Variants in MPP7 observed in about 807,000 individuals in gnomAD.
MPP7 encodes MAGUK p55 subfamily member 7.
A neutral mutation model predicts 76.5 loss-of-function variants in MPP7; 60 were observed. The observed-to-expected ratio is 0.78, with a 90% CI of 0.64 to 0.97. MPP7 has a LOEUF of 0.97. Among genes scored for constraint, MPP7 ranks in the 50% least tolerant of loss-of-function variants. The pLI is 0.00. For synonymous variants in MPP7, 237 were observed against 244.5 expected (o/e 0.97, Z 0.29); for missense variants, 641 against 694.0 (o/e 0.92, Z 0.86).
intron 1 of MPP7, among the ~76,000 whole-genome samples, chr10:28,332,277 G>GTGTGTT (rs1407346870): frequency 6.6e-6 from 1 of 151,614 alleles, no homozygotes; most frequent in African/African-American, 2.4e-5. Context: ...GTGTGTGTGT[G>GTGTGTT]TTTAATAAAT....
chr10:28,284,857 T>C (rs768138837), intron 1 of MPP7, among the ~76,000 whole-genome samples: 4 of 152,348 alleles, frequency 2.6e-5, no homozygotes, highest in Non-Finnish European at 5.9e-5. Flanking sequence ...ATGCAATGAA[T>C]ACATCATTCT....
intron 3 of MPP7, among the ~76,000 whole-genome samples, chr10:28,198,030 G>A (rs1433502603): frequency 1.3e-5 from 2 of 152,126 alleles, no homozygotes; most frequent in Non-Finnish European, 2.9e-5. Flanking sequence ...TCAATCATAT[G>A]AGGAAAATTA....
In MPP7 at chr10:28,119,661, G is replaced by A; in HGVS notation, c.942C>T (p.Asn314=). The A allele has an allele frequency of 6.2e-7, 1 of 1,613,346 alleles. No individual in the cohort carries two copies. Among genetic ancestry groups the A allele is most frequent in the South Asian group, 1.1e-5 (1 of 91,016 alleles). The change falls in exon 11 of 17, where the codon AAC becomes AAT. Residue 314 remains asparagine (N), a synonymous_variant. Transcript: ENST00000683449. ...EILVQPLKVS[N]RKSSGFRKSF... is the part of the protein sequence containing the mutation. ...TATTAACAAACTTACATGATTTCCT[G>A]TTGGAAACTTTCAGGGGCTGAACCA...
At chr10:28,055,984 A>G (rs909797999) in intron 16 of MPP7, among the ~76,000 whole-genome samples, 2 of 152,218 alleles carry the variant, frequency 1.3e-5, no homozygotes, top group Non-Finnish European at 2.9e-5. Context: ...TGTATCTATT[A>G]TACTCTTCCC....
intron 13 of MPP7, among the ~76,000 whole-genome samples, chr10:28,067,876 A>AC: frequency 6.6e-6 from 1 of 152,250 alleles, no homozygotes; most frequent in Non-Finnish European, 1.5e-5. Context: ...ATCAAAAAAA[A>AC]CTTGGTTTCG....
intron 2 of MPP7, among the ~76,000 whole-genome samples, chr10:28,221,432 G>A (rs1838502460): frequency 6.6e-6 from 1 of 152,114 alleles, no homozygotes; most frequent in Non-Finnish European, 1.5e-5. Context: ...AAGCAGACTG[G>A]TGATGCATAA....
chr10:28,102,179 G>A (rs1182759350), intron 11 of MPP7, among the ~76,000 whole-genome samples: 1 of 152,026 alleles, frequency 6.6e-6, no homozygotes, highest in Non-Finnish European at 1.5e-5. Flanking sequence ...ATAGGGTTTT[G>A]CTCTGTCACC....
chr10:28,268,046 A>AAAACAAAC (rs548710680), intron 1 of MPP7, among the ~76,000 whole-genome samples: 1 of 151,936 alleles, frequency 6.6e-6, no homozygotes. Flanking sequence ...TCAAAAAACA[A>AAAACAAAC]AAACAAACAA....
intron 5 of MPP7, among the ~76,000 whole-genome samples, chr10:28,135,226 C>A (rs1481254738): frequency 2.0e-5 from 3 of 152,016 alleles, no homozygotes; most frequent in Admixed American, 6.6e-5. Context: ...AATCCAGAGA[C>A]GTCAACTGAC....
intron 2 of MPP7, 70 bp from the exon 3 acceptor site, chr10:28,202,341 T>A: frequency 2.8e-6 from 3 of 1,071,438 alleles, no homozygotes; most frequent in Non-Finnish European, 4.2e-6. Context: ...AAGGTGTGTG[T>A]AAATGACAGC....
chr10:28,284,351 T>G (rs1476051694), intron 1 of MPP7, among the ~76,000 whole-genome samples: 1 of 152,144 alleles, frequency 6.6e-6, no homozygotes, highest in East Asian at 1.9e-4. Context: ...CAGTAATCAC[T>G]CAAATCATGA....
upstream of MPP7, among the ~76,000 whole-genome samples, chr10:28,306,668 T>TAGATAGAGAGAGAGAGAGAG (rs113787029): frequency 1.3e-5 from 2 of 148,396 alleles, no homozygotes; most frequent in African/African-American, 2.5e-5. Context: ...GATAGATAGA[T>TAGATAGAGAGAGAGAGAGAG]AGAGAGAGAG....
intron 1 of MPP7, among the ~76,000 whole-genome samples, chr10:28,239,445 C>A (rs944774781): frequency 3.3e-5 from 5 of 152,032 alleles, no homozygotes; most frequent in Admixed American, 2.6e-4. Flanking sequence ...CCGGACCCAG[C>A]CTAATTGTAT....
At chr10:28,184,455 T>C (rs2133919960) in intron 3 of MPP7, among the ~76,000 whole-genome samples, 1 of 149,372 alleles carries the variant, frequency 6.7e-6, no homozygotes, top group Non-Finnish European at 1.5e-5. Context: ...ATGCCTGTAA[T>C]TCCAGCACTT....
intron 1 of MPP7, among the ~76,000 whole-genome samples, chr10:28,248,227 A>G (rs1467461505): frequency 6.6e-6 from 1 of 152,168 alleles, no homozygotes; most frequent in Non-Finnish European, 1.5e-5. Flanking sequence ...CTATCTGATT[A>G]GGAGAACTTA....
chr10:28,154,392 G>A (rs1835982121), intron 3 of MPP7, among the ~76,000 whole-genome samples: 1 of 152,160 alleles, frequency 6.6e-6, no homozygotes. Context: ...AAGTAAAAAT[G>A]TAAAGAAATA....
At chr10:28,282,928 G>A (rs902374960) in intron 1 of MPP7, among the ~76,000 whole-genome samples, 6 of 151,974 alleles carry the variant, frequency 3.9e-5, no homozygotes, top group Non-Finnish European at 7.3e-5. Context: ...ACGGTGTGTG[G>A]ATAGGGGTAG....
chr10:28,115,428 A>C (rs1834636994), intron 11 of MPP7, among the ~76,000 whole-genome samples: 1 of 152,088 alleles, frequency 6.6e-6, no homozygotes, highest in Non-Finnish European at 1.5e-5. Context: ...TTAAAACCCC[A>C]CGTGTTTCTG....
At chr10:28,102,953 G>A (rs143083234) in intron 11 of MPP7, among the ~76,000 whole-genome samples, 125 of 152,266 alleles carry the variant, frequency 8.2e-4, no homozygotes, top group African/African-American at 2.7e-3. Flanking sequence ...TCAATGATCT[G>A]GAGTATAAGA....
Sources: gnomAD v4.1 joint callset for allele counts (sites outside exome capture counted in the v4.1 genomes callset) on GRCh38, gnomAD v4.1.1 for gene constraint, MANE v1.5 for transcripts, NCBI Gene and HGNC (gene_info 2026-07-23, HGNC 2026-07-21) for gene names.